The following INTS3 variants were observed in gnomAD, a reference collection of about 807,000 sequenced individuals.
The protein encoded by INTS3 is integrator complex subunit 3, also known as SOSS complex subunit A.
In INTS3, 34 loss-of-function variants were observed where a neutral mutation model predicts 146.3. The ratio of observed to expected loss-of-function variants is 0.23; its 90% CI spans 0.18 to 0.31. The LOEUF is 0.31. Ranked by LOEUF, INTS3 falls within the 10% of genes least tolerant of loss-of-function variation. INTS3 has a pLI of 1.00. For synonymous variants in INTS3, 475 were observed against 494.9 expected (o/e 0.96, Z 0.53); for missense variants, 757 against 1,304.2 (o/e 0.58, Z 6.46).
At chr1:153,763,644 C>A (rs1398590022) in intron 16 of INTS3, among the ~76,000 whole-genome samples, 188 bp from the exon 17 acceptor site, 2 of 152,214 alleles carry the variant, frequency 1.3e-5, no homozygotes, top group South Asian at 4.1e-4. Flanking sequence ...TTTTCCTTTT[C>A]TTTGGGCCTC....
chr1:153,732,607 A>G (rs1671115694), intron 1 of INTS3, among the ~76,000 whole-genome samples: 1 of 151,802 alleles, frequency 6.6e-6, no homozygotes, highest in Admixed American at 6.6e-5. Context: ...CACCACACCC[A>G]GCTACTTTTT....
At chr1:153,738,701 C>G (rs1671397318) in intron 1 of INTS3, among the ~76,000 whole-genome samples, 1 of 152,140 alleles carries the variant, frequency 6.6e-6, no homozygotes, top group South Asian at 2.1e-4. Flanking sequence ...TGAAAAGTTT[C>G]ACCTACTAGT....
chr1:153,772,574 C>A lies in INTS3; in HGVS notation c.2822-65C>A. 1 of 1,612,520 alleles carries A rather than the reference C, an allele frequency of 6.2e-7. No homozygotes were observed. Among genetic ancestry groups the A allele is most frequent in the Non-Finnish European group, 8.5e-7 (1 of 1,179,190 alleles). ...CTCGGGATAAAACAACCTGTGCGTG[C>A]TGTTTAATAAGCTCCCAGACATCTG... On this transcript the variant is annotated intron_variant, in intron 27 of 29. Coordinates refer to ENST00000318967, the MANE Select transcript of INTS3 (RefSeq NM_023015.5). This position sits in a 1 kb window ranked among gnomAD's most constrained non-coding sequence, Gnocchi z 4.6.
At position 153,772,430 on chromosome 1, in the gene INTS3, C is replaced by T; in HGVS notation, c.2811C>T (p.Thr937=). 1.9e-6 allele frequency: 3 copies of T among 1,614,176 alleles called. No individual in the cohort carries two copies. Among genetic ancestry groups the T allele is most frequent in the South Asian group, 1.1e-5 (1 of 91,088 alleles). ...ATCTGCGGCTCAACCTGACCAACAC[C>T]AAGCAGAACTGTATGCCTTCCACCC... The part of the protein sequence containing the change: ...LDNLRLNLTN[T]KQNFFSQTPI... The change falls in exon 27 of 30, where the codon ACC becomes ACT. Residue 937 remains threonine (T), a synonymous_variant. Transcript: ENST00000318967. This position sits in a 1 kb window ranked among gnomAD's most constrained non-coding sequence, Gnocchi z 4.6.
In INTS3 at chr1:153,733,197, C is replaced by CT. The variant is rs60492889; in HGVS notation, c.150+4445dup. ...CATAGGGAGCAGTATTTACCGAATGCTTTTTTTTTTTTTTTTTTTTTTTTT... is the reference window on the plus strand; with the variant it reads ...CATAGGGAGCAGTATTTACCGAATGCTTTTTTTTTTTTTTTTTTTTTTTTTT... On this transcript the variant is annotated intron_variant, in intron 1 of 29. Coordinates refer to ENST00000318967, the MANE Select transcript of INTS3 (RefSeq NM_023015.5). Among the ~76,000 whole-genome samples, 26 of 42,758 alleles carry CT rather than the reference C, an allele frequency of 6.1e-4. 5 individuals are homozygous for CT. The highest frequency in any genetic ancestry group is 1.3e-3 in the Admixed American group (3 of 2,256). The allele number at this position is 42,758 out of a possible 152,430, so 28.1% of individuals were successfully genotyped here. A position where few individuals can be genotyped will look rare whatever the true frequency, so the allele number is the denominator to read the frequency against.
chr1:153,731,577 CTCTTTTTTTTTTT>C (rs1344630458), intron 1 of INTS3, among the ~76,000 whole-genome samples: 2 of 129,230 alleles, frequency 1.5e-5, no homozygotes, highest in Admixed American at 1.6e-4. Flanking sequence ...CAAGAGCGTC[CTCTTTTTTTTTTT>C]TTTTTTTTTT....
intron 14 of INTS3, among the ~76,000 whole-genome samples, 189 bp from the exon 15 acceptor site, chr1:153,762,539 T>G (rs1250520688): frequency 3.3e-5 from 5 of 152,216 alleles, no homozygotes; most frequent in Admixed American, 3.3e-4. Flanking sequence ...GCAACATCCC[T>G]CTGCAGGTCA....
In INTS3 at chr1:153,773,686, G is replaced by A; in HGVS notation, c.*416G>A. 4.3e-6 allele frequency: 1 copy of A among 233,590 alleles called. No individual in the cohort carries two copies. The allele number at this position is 233,590 out of a possible 1,614,324, so 14.5% of individuals were successfully genotyped here. A position where few individuals can be genotyped will look rare whatever the true frequency, so the allele number is the denominator to read the frequency against. ...GGATGAGAGCAGAGACTCAGTGTGTGGGTGTCCCTTCCTGCTTCCCCTTCA... is the reference window on the plus strand; with the variant it reads ...GGATGAGAGCAGAGACTCAGTGTGTAGGTGTCCCTTCCTGCTTCCCCTTCA... On this transcript the variant is annotated 3_prime_UTR_variant, in exon 30 of 30. Transcript: ENST00000318967.
At chr1:153,739,710 C>G (rs2101786141) in intron 1 of INTS3, among the ~76,000 whole-genome samples, 1 of 152,142 alleles carries the variant, frequency 6.6e-6, no homozygotes, top group South Asian at 2.1e-4. Context: ...CTCGGGTGAT[C>G]TGCCCACCTC....
chr1:153,769,007 T>A (rs1672707124), intron 22 of INTS3, 46 bp downstream of exon 22: 1 of 1,485,540 alleles, frequency 6.7e-7, no homozygotes, highest in Non-Finnish European at 9.4e-7. Context: ...GGAGGCAGCA[T>A]TAGGGACATA....
rs756207152 is a variant in INTS3, at chr1:153,757,792, G to A, written c.1149+29G>A. 1 of 1,593,886 alleles carries A rather than the reference G, an allele frequency of 6.3e-7. No individual in the cohort carries two copies. The highest frequency in any genetic ancestry group is 1.7e-5 in the Admixed American group (1 of 59,936). The stretch of plus-strand genomic sequence containing the variant: ...AGGGCAAAAGATACTGGGTGGTGAA[G>A]GGTGCCTCTTCCATGGTGTTCCCAT... On this transcript the variant is annotated intron_variant, in intron 10 of 29. Coordinates refer to ENST00000318967, the MANE Select transcript of INTS3 (RefSeq NM_023015.5). This position sits in a 1 kb window ranked among gnomAD's most constrained non-coding sequence, Gnocchi z 4.0.
Position 153,770,321 on chromosome 1 carries a change from CT to C in INTS3, c.2503+14del. On this transcript the variant is annotated intron_variant, in intron 24 of 29. Transcript: ENST00000318967. ...CACCTCAAATACAAGGGTGAGTAGGCTTTTGGGTAGGGAGCACATCAGATAT... is the reference window on the plus strand; with the variant it reads ...CACCTCAAATACAAGGGTGAGTAGGCTTTGGGTAGGGAGCACATCAGATAT... The C allele has an allele frequency of 6.6e-7, 1 of 1,513,758 alleles. No individual in the cohort carries two copies. Among genetic ancestry groups the C allele is most frequent in the Non-Finnish European group, 9.2e-7 (1 of 1,088,526 alleles). 93.8% of individuals were successfully genotyped at this position (1,513,758 alleles called of 1,614,324 possible). A position where few individuals can be genotyped will look rare whatever the true frequency, so the allele number is the denominator to read the frequency against.
chr1:153,759,381 G>A (rs1389692127), intron 10 of INTS3, 145 bp from the exon 11 acceptor site: 17 of 700,954 alleles, frequency 2.4e-5, no homozygotes, highest in Non-Finnish European at 3.9e-5. Context: ...CAACACAAGG[G>A]GGGTTAGCAT....
chr1:153,764,790 A>G (rs2101822287), intron 19 of INTS3, 56 bp downstream of exon 19: 1 of 1,527,956 alleles, frequency 6.5e-7, no homozygotes, highest in East Asian at 2.2e-5. Context: ...CTGACAGCAC[A>G]CACATGTGCT....
intron 10 of INTS3, among the ~76,000 whole-genome samples, chr1:153,759,150 T>A (rs1258647885): frequency 6.6e-6 from 1 of 150,718 alleles, no homozygotes; most frequent in Non-Finnish European, 1.5e-5. Context: ...CCAGGTGAGG[T>A]GGTGCGTGCC....
At chr1:153,762,673 G>A (rs1233000548) in intron 14 of INTS3, 55 bp from the exon 15 acceptor site, 3 of 1,603,694 alleles carry the variant, frequency 1.9e-6, no homozygotes, top group Admixed American at 3.4e-5. Context: ...GAAGCATGGG[G>A]CATGTTAGAG....
intron 3 of INTS3, among the ~76,000 whole-genome samples, chr1:153,742,602 T>TTTTG (rs1210607109): frequency 6.6e-6 from 1 of 152,018 alleles, no homozygotes; most frequent in African/African-American, 2.4e-5. Flanking sequence ...TGCTGGAAAG[T>TTTTG]TTTGTTTGTT....
intron 7 of INTS3, among the ~76,000 whole-genome samples, chr1:153,751,564 C>T (rs1671957007): frequency 6.6e-6 from 1 of 152,198 alleles, no homozygotes; most frequent in African/African-American, 2.4e-5. Flanking sequence ...CTGGGTAATT[C>T]CCATGGTCTA....
At chr1:153,753,841 G>C (rs1672056890) in intron 8 of INTS3, 1 of 151,952 alleles carries the variant, frequency 6.6e-6, no homozygotes. Flanking sequence ...TTTTTGTAGA[G>C]ATGGAGTTTC....
Sources: allele counts gnomAD v4.1 joint callset (sites outside exome capture counted in the v4.1 genomes callset), GRCh38; gene constraint gnomAD v4.1.1; non-coding constraint Gnocchi (gnomAD v3.1); transcripts MANE v1.5; gene names NCBI Gene and HGNC (gene_info 2026-07-23, HGNC 2026-07-21).